FMN1: variants seen among roughly 807,000 people sequenced by gnomAD.
The protein encoded by FMN1 is formin-1.
FMN1 carries 110 observed loss-of-function variants against 132.4 expected under a neutral mutation model. The observed-to-expected ratio is 0.83, with a 90% CI of 0.71 to 0.97. The LOEUF is 0.97. Ranked by LOEUF, FMN1 falls within the 50% of genes least tolerant of loss-of-function variation. FMN1 has a pLI of 0.00. For missense variants in FMN1, 1,792 were observed against 1,705.3 expected (o/e 1.05, Z -0.90); for synonymous variants, 722 against 651.7 (o/e 1.11, Z -1.64).
rs1337572217 is a variant in FMN1 at position 33,121,845 on chromosome 15, CTGTT to C, written c.1867+31199_1867+31202del. Among the ~76,000 whole-genome samples the C allele has an allele frequency of 1.4e-4, 22 of 152,150 alleles. No homozygotes were observed. In the East Asian group the frequency reaches 2.1e-3, roughly 15 times the overall value. On this transcript the variant is annotated intron_variant, in intron 4 of 20. Coordinates refer to ENST00000616417, the MANE Select transcript of FMN1 (RefSeq NM_001277313.2). ...CACACCCGGCCAAATTTTTGTTTTTCTGTTTGTTTGAATTTTAGGAATTTGAAAA... is the reference window on the plus strand; with the variant it reads ...CACACCCGGCCAAATTTTTGTTTTTCTGTTTGAATTTTAGGAATTTGAAAA...
chr15:32,960,995 C>CAAAAAAAA (rs539245532), intron 9 of FMN1, among the ~76,000 whole-genome samples: 5 of 59,092 alleles, frequency 8.5e-5, no homozygotes, highest in African/African-American at 4.5e-4. Flanking sequence ...GACTCCGTCT[C>CAAAAAAAA]AAAAAAAAAA....
At position 33,069,993 on chromosome 15, in the gene FMN1, CTTTTTTT is replaced by C. The variant is rs1171369156; in HGVS notation, c.2044-4926_2044-4920del. Reference sequence around the variant, plus strand: ...AACAGATCATAAGATCAGTCTTTCTCTTTTTTTTTTTTTTTTTTTTTTTTTTTTTGAG... The same window carrying C: ...AACAGATCATAAGATCAGTCTTTCTCTTTTTTTTTTTTTTTTTTTTTTGAG... On this transcript the variant is annotated intron_variant, in intron 5 of 20. Coordinates refer to ENST00000616417, the MANE Select transcript of FMN1 (RefSeq NM_001277313.2). 2.8e-3 allele frequency among the ~76,000 whole-genome samples: 206 copies of C among 74,310 alleles called. 1 individual carries two copies. Among genetic ancestry groups the C allele is most frequent in the Admixed American group, 8.5e-3 (46 of 5,386 alleles). The allele number at this position is 74,310 out of a possible 152,430, so 48.8% of individuals were successfully genotyped here. A position where few individuals can be genotyped will look rare whatever the true frequency, so the allele number is the denominator to read the frequency against.
At chr15:33,020,749 C>T (rs2035376156) in intron 6 of FMN1, among the ~76,000 whole-genome samples, 1 of 152,086 alleles carries the variant, frequency 6.6e-6, no homozygotes, top group South Asian at 2.1e-4. Flanking sequence ...AAAGAAACAG[C>T]ACACATTTCC....
intron 6 of FMN1, among the ~76,000 whole-genome samples, chr15:33,057,604 T>TG (rs2037276794): frequency 6.6e-6 from 1 of 152,198 alleles, no homozygotes; most frequent in South Asian, 2.1e-4. Context: ...GTTTAGTTGA[T>TG]GCTCAAACCC....
intron 4 of FMN1, among the ~76,000 whole-genome samples, chr15:33,125,304 T>C (rs2140194577): frequency 6.6e-6 from 1 of 152,334 alleles, no homozygotes; most frequent in East Asian, 1.9e-4. Context: ...TTCTGATGCA[T>C]AGTAAGCCGT....
intron 3 of FMN1, among the ~76,000 whole-genome samples, chr15:33,166,922 A>G (rs943643229): frequency 6.6e-6 from 1 of 152,232 alleles, no homozygotes. Context: ...AACAAGGGCA[A>G]CTGGACTCAC....
intron 4 of FMN1, among the ~76,000 whole-genome samples, chr15:33,107,600 AGATG>A (rs1346317564): frequency 2.0e-5 from 3 of 152,194 alleles, no homozygotes; most frequent in African/African-American, 7.2e-5. Context: ...TTCTTGGCTA[AGATG>A]TTCCCCAGGC....
At chr15:33,087,679 C>G (rs1039984162) in intron 5 of FMN1, among the ~76,000 whole-genome samples, 1 of 152,110 alleles carries the variant, frequency 6.6e-6, no homozygotes, top group Non-Finnish European at 1.5e-5. Context: ...AGTCATTATA[C>G]GAAAAAGATA....
chr15:32,894,501 A>AAG (rs939092080), intron 15 of FMN1, among the ~76,000 whole-genome samples: 18 of 151,158 alleles, frequency 1.2e-4, no homozygotes, highest in African/African-American at 4.4e-4. Context: ...AAAAAAAAAA[A>AAG]AGAGAGACAA....
At chr15:33,072,222 C>T (rs2038026157) in intron 5 of FMN1, among the ~76,000 whole-genome samples, 1 of 152,198 alleles carries the variant, frequency 6.6e-6, no homozygotes. Context: ...TATGGGTTCA[C>T]CTATACAATA....
At chr15:33,082,343 A>G (rs2038515412) in intron 5 of FMN1, among the ~76,000 whole-genome samples, 1 of 152,038 alleles carries the variant, frequency 6.6e-6, no homozygotes, top group Non-Finnish European at 1.5e-5. Flanking sequence ...AAAGTGTTTT[A>G]AAAGCTGGCA....
chr15:32,880,194 CT>C (rs1218766693), intron 16 of FMN1, among the ~76,000 whole-genome samples: 1 of 152,122 alleles, frequency 6.6e-6, no homozygotes, highest in Admixed American at 6.6e-5. Flanking sequence ...ATTATTATGA[CT>C]TTGCAAAAAC....
intron 8 of FMN1, among the ~76,000 whole-genome samples, chr15:32,967,303 A>G (rs542479734): frequency 2.0e-5 from 3 of 152,168 alleles, no homozygotes; most frequent in Non-Finnish European, 4.4e-5. Flanking sequence ...CCTGTTGCTC[A>G]TGAAGTCTCT....
chr15:33,101,870 C>G (rs1178421792), intron 4 of FMN1, among the ~76,000 whole-genome samples: 1 of 152,064 alleles, frequency 6.6e-6, no homozygotes, highest in East Asian at 1.9e-4. Context: ...CATCTATAAC[C>G]CCACATAGGT....
chr15:32,939,369 G>T (rs1322483431), intron 9 of FMN1, among the ~76,000 whole-genome samples: 1 of 151,550 alleles, frequency 6.6e-6, no homozygotes, highest in East Asian at 1.9e-4. Context: ...AAAATATTAA[G>T]GGGAAAAAAA....
chr15:33,039,161 A>G (rs2036314507), intron 6 of FMN1, among the ~76,000 whole-genome samples: 1 of 152,210 alleles, frequency 6.6e-6, no homozygotes, highest in South Asian at 2.1e-4. Context: ...TCTGATTGTC[A>G]AAAAATTCAG....
intron 6 of FMN1, among the ~76,000 whole-genome samples, chr15:33,046,731 T>C (rs1445054157): frequency 6.8e-6 from 1 of 147,968 alleles, no homozygotes; most frequent in Non-Finnish European, 1.5e-5. Flanking sequence ...AAGAATTTCT[T>C]ACAAGTCAGA....
intron 20 of FMN1, among the ~76,000 whole-genome samples, chr15:32,776,179 C>G (rs1178613970): frequency 1.3e-5 from 2 of 152,242 alleles, no homozygotes; most frequent in African/African-American, 4.8e-5. Context: ...GATCTGAACC[C>G]AGGCCATTTC....
chr15:33,166,056 G>T (rs988119587), intron 3 of FMN1, among the ~76,000 whole-genome samples: 1 of 152,180 alleles, frequency 6.6e-6, no homozygotes, highest in Non-Finnish European at 1.5e-5. Flanking sequence ...ACAGTAATAT[G>T]ACATCTGTTT....
Sources: allele counts gnomAD v4.1 joint callset (sites outside exome capture counted in the v4.1 genomes callset), GRCh38; gene constraint gnomAD v4.1.1; transcripts MANE v1.5; gene names NCBI Gene and HGNC (gene_info 2026-07-23, HGNC 2026-07-21).